ZFPM1: variants seen among roughly 807,000 people sequenced by gnomAD.
ZFPM1 encodes zinc finger protein, FOG family member 1.
A neutral mutation model predicts 46.3 loss-of-function variants in ZFPM1; 28 were observed. The observed-to-expected ratio is 0.60, with a 90% CI of 0.45 to 0.83. The LOEUF is 0.83. ZFPM1 is among the 40% of genes least tolerant of loss of function. ZFPM1 has a pLI of 0.00. For missense variants in ZFPM1, 1,878 were observed against 1,432.4 expected, an observed-to-expected ratio of 1.31 and a Z score of -5.02; for synonymous variants, 957 against 675.9, an observed-to-expected ratio of 1.42 and a Z score of -6.45.
rs113104972 is a variant in ZFPM1, at chr16:88,533,494, C to T, written c.1536C>T (p.Ser512=). Residue 512 remains serine (S), a synonymous_variant, in exon 10 of 10, where the codon AGC becomes AGT. Coordinates refer to ENST00000319555, the MANE Select transcript of ZFPM1 (RefSeq NM_153813.3). ...AELSSPTPGS[S]PVPGELGLAG... The stretch of plus-strand genomic sequence containing the variant: ...TGTCCAGCCCCACGCCGGGCTCCAG[C>T]CCGGTGCCCGGCGAGCTGGGCCTGG... 4.3e-6 allele frequency: 6 copies of T among 1,401,276 alleles called. No individual in the cohort carries two copies. The highest frequency in any genetic ancestry group is 4.6e-6 in the Non-Finnish European group (5 of 1,083,362). The allele number at this position is 1,401,276 out of a possible 1,614,324, so 86.8% of individuals were successfully genotyped here.
At chr16:88,460,738 G>A (rs976690539) in intron 1 of ZFPM1, among the ~76,000 whole-genome samples, 2 of 152,216 alleles carry the variant, frequency 1.3e-5, no homozygotes, top group East Asian at 1.9e-4. Context: ...CTGGTATACA[G>A]TAGGTGCTTA....
intron 3 of ZFPM1, among the ~76,000 whole-genome samples, chr16:88,501,713 T>C (rs1310671842): frequency 6.9e-6 from 1 of 145,402 alleles, no homozygotes; most frequent in Non-Finnish European, 1.5e-5. Flanking sequence ...CAGGTGCTCT[T>C]GATGATGGAG....
chr16:88,529,615 CA>C (rs1912623708), intron 6 of ZFPM1, among the ~76,000 whole-genome samples: 1 of 152,196 alleles, frequency 6.6e-6, no homozygotes, highest in East Asian at 1.9e-4. Flanking sequence ...ACCCTGGAGT[CA>C]GGGGACAGGG....
intron 3 of ZFPM1, among the ~76,000 whole-genome samples, chr16:88,502,395 C>T (rs1174506998): frequency 6.6e-6 from 1 of 152,156 alleles, no homozygotes; most frequent in Admixed American, 6.5e-5. Context: ...GGACCCACCT[C>T]TGCCCCATAG....
intron 4 of ZFPM1, among the ~76,000 whole-genome samples, chr16:88,524,732 G>A (rs1254692799): frequency 6.6e-6 from 1 of 152,178 alleles, no homozygotes; most frequent in African/African-American, 2.4e-5. Context: ...AGATAGGACT[G>A]ACCCCCCTGA....
At chr16:88,463,144 C>G (rs894306080) in intron 1 of ZFPM1, among the ~76,000 whole-genome samples, 3 of 152,268 alleles carry the variant, frequency 2.0e-5, no homozygotes, top group African/African-American at 4.8e-5. Flanking sequence ...GGAGCAGGAG[C>G]GGAGGAGGCC....
chr16:88,464,029 C>G (rs748625179), intron 1 of ZFPM1, among the ~76,000 whole-genome samples: 1 of 152,224 alleles, frequency 6.6e-6, no homozygotes, highest in Non-Finnish European at 1.5e-5. Flanking sequence ...GCCAGGAGCC[C>G]TTGATCGAGG....
At chr16:88,516,078 C>A in intron 4 of ZFPM1, 1 of 398,496 alleles carries the variant, frequency 2.5e-6, no homozygotes. Context: ...CCTCCCCGCA[C>A]CCTACGAGGA....
intron 1 of ZFPM1, among the ~76,000 whole-genome samples, chr16:88,455,966 G>A (rs2142333633): frequency 6.6e-6 from 1 of 152,318 alleles, no homozygotes; most frequent in East Asian, 1.9e-4. Context: ...CGGCCCGATG[G>A]CGATCGCCAA....
At chr16:88,527,898 G>A in intron 5 of ZFPM1, 134 bp from the exon 6 acceptor site, 2 of 856,178 alleles carry the variant, frequency 2.3e-6, no homozygotes, top group East Asian at 3.0e-5. Context: ...CAGGCAGGAT[G>A]GCCCTGGCAG....
rs975087336 is a variant in ZFPM1 at position 88,509,873 on chromosome 16, C to T, written c.269-4514C>T. 2.1e-4 allele frequency among the ~76,000 whole-genome samples: 32 copies of T among 152,242 alleles called. 1 individual carries two copies. The highest frequency in any genetic ancestry group is 7.7e-4 in the African/African-American group (32 of 41,556). ...GCTCCTCTACCGGCTTGCTGCCACA[C>T]GCGCGTCACGGAGGGGGCCACGGTT... On this transcript the variant is annotated intron_variant, in intron 3 of 9. Transcript: ENST00000319555.
chr16:88,535,041 C>G lies in ZFPM1; in HGVS notation c.*62C>G. 1.5e-6 allele frequency: 2 copies of G among 1,350,140 alleles called. No homozygotes were observed. Among genetic ancestry groups the G allele is most frequent in the Non-Finnish European group, 1.9e-6 (2 of 1,044,062 alleles). 83.6% of individuals were successfully genotyped at this position (1,350,140 alleles called of 1,614,324 possible). On this transcript the variant is annotated 3_prime_UTR_variant, in exon 10 of 10. Transcript: ENST00000319555. ...CGCTGCGATGCGGGGAGGGGGCCGC[C>G]CCCAGGCCGCACGGACTGCCGCTCC...
At position 88,497,405 on chromosome 16, in the gene ZFPM1, G is replaced by A. The variant is rs1335439682; in HGVS notation, c.268+8252G>A. Among the ~76,000 whole-genome samples, 2 of 147,654 alleles carry A rather than the reference G, an allele frequency of 1.4e-5. No individual in the cohort carries two copies. Among genetic ancestry groups the A allele is most frequent in the Non-Finnish European group, 3.0e-5 (2 of 67,004 alleles). ...ACATCAGGGCCCGGGCGGGGATGGG[G>A]TTCAGAGGGGTCAGGGTGGGGCTCA... On this transcript the variant is annotated intron_variant, in intron 3 of 9. Transcript: ENST00000319555. This position sits in a 1 kb window ranked among gnomAD's most constrained non-coding sequence, Gnocchi z 5.4.
At position 88,514,851 on chromosome 16, in the gene ZFPM1, T is replaced by A. The variant is rs188490610; in HGVS notation, c.402+331T>A. On this transcript the variant is annotated intron_variant, in intron 4 of 9. Transcript: ENST00000319555. ...GAGGAACAAACCAATGGCCCAGGCC[T>A]TGGGGTACTGGGACGGTGGGGATGC... is the stretch of plus-strand genomic sequence containing the variant. Among the ~76,000 whole-genome samples the A allele has an allele frequency of 3.4e-3, 516 of 152,196 alleles. 5 individuals carry two copies. The highest frequency in any genetic ancestry group is 0.012 in the African/African-American group (497 of 41,522).
At chr16:88,523,497 G>A (rs556162488) in intron 4 of ZFPM1, among the ~76,000 whole-genome samples, 29 of 152,174 alleles carry the variant, frequency 1.9e-4, no homozygotes, top group Non-Finnish European at 3.4e-4. Context: ...TCAGGGGTCC[G>A]GCCACTTGGC....
intron 1 of ZFPM1, among the ~76,000 whole-genome samples, chr16:88,466,558 C>T (rs530211835): frequency 4.4e-4 from 67 of 152,230 alleles, no homozygotes; most frequent in African/African-American, 1.5e-3. Context: ...GGGCAGGGGA[C>T]GGCTGAGGGC....
At chr16:88,489,344 G>T in intron 3 of ZFPM1, 191 bp downstream of exon 3, 2 of 907,298 alleles carry the variant, frequency 2.2e-6, no homozygotes, top group Non-Finnish European at 3.2e-6. Context: ...TGGCACCCTC[G>T]CGCCAATCCC....
At position 88,534,375 on chromosome 16, in the gene ZFPM1, C is replaced by G. The variant is rs1369481405; in HGVS notation, c.2417C>G (p.Pro806Arg). ...DLSKKPRRPL[P>R]GAPAPALADY... ...AGCAAGAAGCCGCGGCGCCCGCTCC[C>G]CGGAGCCCCGGCACCGGCGCTGGCC... Residue 806 changes from proline (P) to arginine (R), a missense_variant, in exon 10 of 10, where the codon CCC becomes CGC. By Grantham distance (103) the Pro-to-Arg change is moderately radical. Transcript: ENST00000319555. 6.9e-7 allele frequency: 1 copy of G among 1,449,190 alleles called. No individual in the cohort carries two copies. Among genetic ancestry groups the G allele is most frequent in the Non-Finnish European group, 9.0e-7 (1 of 1,105,518 alleles). The allele number at this position is 1,449,190 out of a possible 1,614,324, so 89.8% of individuals were successfully genotyped here.
Position 88,533,356 on chromosome 16 carries a change from G to A in ZFPM1, c.1398G>A (p.Ala466=), listed in dbSNP as rs1407030548. The A allele has an allele frequency of 2.6e-6, 4 of 1,532,388 alleles. No homozygotes were observed. In the African/African-American group the frequency reaches 4.2e-5, roughly 16 times the overall value. The allele number at this position is 1,532,388 out of a possible 1,614,324, so 94.9% of individuals were successfully genotyped here. Residue 466 remains alanine, a synonymous_variant, in exon 10 of 10, where the codon GCG becomes GCA. Coordinates refer to ENST00000319555, the MANE Select transcript of ZFPM1 (RefSeq NM_153813.3). ...PAAPRSIKVE[A]VEEPEAAPIL... is the part of the protein sequence containing the mutation. ...CCCCCAGGAGCATCAAGGTGGAGGC[G>A]GTGGAGGAGCCGGAGGCGGCCCCCA... is the stretch of plus-strand genomic sequence containing the variant.
Sources: allele counts gnomAD v4.1 joint callset (sites outside exome capture counted in the v4.1 genomes callset), GRCh38; gene constraint gnomAD v4.1.1; non-coding constraint Gnocchi (gnomAD v3.1); transcripts MANE v1.5; gene names NCBI Gene and HGNC (gene_info 2026-07-23, HGNC 2026-07-21).